Variants in CACNB2 observed in about 807,000 individuals in gnomAD.
CACNB2 encodes calcium voltage-gated channel auxiliary subunit beta 2.
A neutral mutation model predicts 73.3 loss-of-function variants in CACNB2; 42 were observed. The observed-to-expected ratio is 0.57, with a 90% confidence interval of 0.45 to 0.74. CACNB2 has a LOEUF of 0.74. Among genes scored for constraint, CACNB2 ranks in the 30% least tolerant of loss-of-function variants. CACNB2 has a pLI of 0.00. For missense variants in CACNB2, 940 were observed against 853.0 expected (o/e 1.10, Z -1.27); for synonymous variants, 348 against 310.3 (o/e 1.12, Z -1.28).
chr10:18,166,457 C>G (rs150427965), intron 2 of CACNB2, among the ~76,000 whole-genome samples: 37 of 152,292 alleles, frequency 2.4e-4, no homozygotes, highest in Non-Finnish European at 4.6e-4. Flanking sequence ...AACCCCTGAC[C>G]TCAGGTGATC....
intron 3 of CACNB2, among the ~76,000 whole-genome samples, chr10:18,475,603 G>T (rs527411921): frequency 4.5e-4 from 69 of 152,258 alleles, no homozygotes; most frequent in African/African-American, 1.5e-3. Context: ...TTTGAATGAA[G>T]GGGTACCTTA....
chr10:18,229,933 G>T (rs1442963969), intron 2 of CACNB2, among the ~76,000 whole-genome samples: 1 of 152,070 alleles, frequency 6.6e-6, no homozygotes, highest in Non-Finnish European at 1.5e-5. Context: ...ATCGAAACTC[G>T]ACACCCACTT....
chr10:18,394,386 A>G (rs1372476652), intron 2 of CACNB2, among the ~76,000 whole-genome samples: 1 of 152,226 alleles, frequency 6.6e-6, no homozygotes, highest in East Asian at 1.9e-4. Flanking sequence ...TATACCTATG[A>G]CCAACAAACA....
intron 10 of CACNB2, chr10:18,531,912 T>C (rs1433927908): frequency 1.3e-5 from 2 of 152,330 alleles, no homozygotes; most frequent in East Asian, 1.9e-4. Flanking sequence ...TGAGGAAGGC[T>C]TGCCCCGTCT....
At position 18,339,054 on chromosome 10, in the gene CACNB2, T is replaced by C. The variant is rs564130352; in HGVS notation, c.214-62870T>C. On this transcript the variant is annotated intron_variant, in intron 2 of 13. Transcript: ENST00000324631. The stretch of plus-strand genomic sequence containing the variant: ...CATGCCCAGCCTGTTTCCCGTTTTT[T>C]ACTACAGCCCCTCGGTGTAGCTAGG... Among the ~76,000 whole-genome samples the C allele has an allele frequency of 2.6e-5, 4 of 152,222 alleles. No individual in the cohort carries two copies. In the East Asian group the frequency reaches 7.7e-4, roughly 29 times the overall value.
chr10:18,475,544 G>T (rs1177479507), intron 3 of CACNB2, among the ~76,000 whole-genome samples: 2 of 152,146 alleles, frequency 1.3e-5, no homozygotes, highest in Non-Finnish European at 2.9e-5. Flanking sequence ...TATCAGAGAT[G>T]ATGCTCACCG....
chr10:18,155,875 GGA>G (rs906198444), intron 2 of CACNB2, among the ~76,000 whole-genome samples: 9 of 81,374 alleles, frequency 1.1e-4, no homozygotes, highest in African/African-American at 3.1e-4. Context: ...AGAGAGAGAG[GGA>G]GAGAGAGAGA....
At chr10:18,356,984 G>A (rs1299467211) in intron 2 of CACNB2, among the ~76,000 whole-genome samples, 4 of 108,258 alleles carry the variant, frequency 3.7e-5, no homozygotes, top group Admixed American at 2.5e-4. Flanking sequence ...TCGCTCTGTC[G>A]CCCAGGCTGG....
intron 5 of CACNB2, among the ~76,000 whole-genome samples, chr10:18,503,337 C>T (rs2050310360): frequency 6.6e-6 from 1 of 152,160 alleles, no homozygotes; most frequent in African/African-American, 2.4e-5. Context: ...TGGCTCATGC[C>T]TGTAATCCCA....
intron 2 of CACNB2, among the ~76,000 whole-genome samples, chr10:18,190,739 TGGTAGCAGTA>T: frequency 6.6e-6 from 1 of 152,152 alleles, no homozygotes; most frequent in East Asian, 1.9e-4. Context: ...TTTGAGAAGG[TGGTAGCAGTA>T]GGAGTGATGG....
At chr10:18,195,422 G>T (rs1284870168) in intron 2 of CACNB2, among the ~76,000 whole-genome samples, 5 of 152,134 alleles carry the variant, frequency 3.3e-5, no homozygotes, top group Non-Finnish European at 7.4e-5. Context: ...CTCTCAGGGG[G>T]TATCAAGTGG....
intron 2 of CACNB2, among the ~76,000 whole-genome samples, chr10:18,187,244 G>A (rs2034195151): frequency 6.6e-6 from 1 of 152,146 alleles, no homozygotes. Context: ...CCGTGGGGAT[G>A]GCAGCTAGGA....
At chr10:18,235,428 A>G (rs1304359344) in intron 2 of CACNB2, among the ~76,000 whole-genome samples, 1 of 152,240 alleles carries the variant, frequency 6.6e-6, no homozygotes, top group East Asian at 1.9e-4. Flanking sequence ...ACTGCACTCC[A>G]GCCTGGGAGA....
chr10:18,253,027 A>C (rs1588851923), intron 2 of CACNB2, among the ~76,000 whole-genome samples: 1 of 152,218 alleles, frequency 6.6e-6, no homozygotes, highest in African/African-American at 2.4e-5. Context: ...CAGGAGTCAA[A>C]CATCTGGATA....
chr10:18,232,636 A>G (rs2036265099), intron 2 of CACNB2, among the ~76,000 whole-genome samples: 1 of 152,226 alleles, frequency 6.6e-6, no homozygotes, highest in South Asian at 2.1e-4. Context: ...CAGGTTGCAT[A>G]GCTGAGCCAC....
intron 11 of CACNB2, among the ~76,000 whole-genome samples, chr10:18,535,441 G>C (rs1442073893): frequency 2.0e-5 from 3 of 152,058 alleles, no homozygotes; most frequent in Non-Finnish European, 4.4e-5. Flanking sequence ...CAGCCAGCCA[G>C]CCATTAGAGA....
At chr10:18,281,979 C>CAAAAAA (rs10542258) in intron 2 of CACNB2, among the ~76,000 whole-genome samples, 4 of 69,952 alleles carry the variant, frequency 5.7e-5, no homozygotes, top group Non-Finnish European at 7.7e-5. Context: ...GACTCCATCT[C>CAAAAAA]AAAAAAAAAA....
At chr10:18,377,158 G>C (rs937297359) in intron 2 of CACNB2, among the ~76,000 whole-genome samples, 2 of 152,046 alleles carry the variant, frequency 1.3e-5, no homozygotes, top group African/African-American at 4.8e-5. Flanking sequence ...AAAACCACCC[G>C]TTCTAAGATA....
intron 2 of CACNB2, among the ~76,000 whole-genome samples, chr10:18,323,875 A>C (rs755802582): frequency 1.3e-5 from 2 of 152,206 alleles, no homozygotes; most frequent in African/African-American, 2.4e-5. Context: ...ATATGATTAC[A>C]CTTCTTTGAA....
Sources: allele counts gnomAD v4.1 joint callset (sites outside exome capture counted in the v4.1 genomes callset), GRCh38; gene constraint gnomAD v4.1.1; transcripts MANE v1.5; gene names NCBI Gene and HGNC (gene_info 2026-07-23, HGNC 2026-07-21).